Variants in SLC6A4 observed in about 807,000 individuals in gnomAD.
SLC6A4 encodes sodium-dependent serotonin transporter.
In SLC6A4, 22 loss-of-function variants were observed where a neutral mutation model predicts 73.4. The ratio of observed to expected loss-of-function variants is 0.30; its 90% confidence interval spans 0.21 to 0.43. SLC6A4 has a LOEUF of 0.43. Ranked by LOEUF, SLC6A4 falls within the 20% of genes least tolerant of loss-of-function variation. SLC6A4 has a pLI of 1.00. For missense variants in SLC6A4, 593 were observed against 808.5 expected (o/e 0.73, Z 3.23); for synonymous variants, 270 against 315.5 (o/e 0.86, Z 1.53).
At chr17:30,205,860 A>G (rs1286522672) in intron 13 of SLC6A4, 2 of 152,258 alleles carry the variant, frequency 1.3e-5, no homozygotes, top group African/African-American at 4.8e-5. Flanking sequence ...AAGTACAAAA[A>G]ATAAAGGGTT....
At chr17:30,217,392 G>A (rs1204720404) in intron 5 of SLC6A4, 88 bp from the exon 6 acceptor site, 5 of 1,308,076 alleles carry the variant, frequency 3.8e-6, no homozygotes, top group African/African-American at 3.0e-5. Flanking sequence ...GGGTGCCCGG[G>A]ACAAATGGAC....
In SLC6A4 at chr17:30,211,502, C is replaced by T; in HGVS notation, c.1205-78G>A. 1 of 883,680 alleles carries T rather than the reference C, an allele frequency of 1.1e-6. No individual in the cohort carries two copies. The highest frequency in any genetic ancestry group is 1.9e-6 in the Non-Finnish European group (1 of 522,826). The allele number at this position is 883,680 out of a possible 1,614,324, so 54.7% of individuals were successfully genotyped here. On this transcript the variant is annotated intron_variant, in intron 9 of 14. Transcript: ENST00000650711. This position sits in a 1 kb window ranked among gnomAD's most constrained non-coding sequence, Gnocchi z 4.0. Reference sequence around the variant, plus strand: ...GATGTCACAGAGGAAAACTCAGCCACAACAACAGTTACAATTCTCATCACA... The same window carrying T: ...GATGTCACAGAGGAAAACTCAGCCATAACAACAGTTACAATTCTCATCACA...
chr17:30,215,559 G>A, intron 8 of SLC6A4, 52 bp downstream of exon 8: 1 of 1,429,584 alleles, frequency 7.0e-7, no homozygotes, highest in African/African-American at 1.4e-5. Context: ...CACACTAGCT[G>A]ACTTTCACTC....
intron 11 of SLC6A4, 101 bp downstream of exon 11, chr17:30,210,414 A>T (rs1477886607): frequency 4.5e-6 from 6 of 1,331,322 alleles, no homozygotes; most frequent in Non-Finnish European, 6.1e-6. Context: ...TTTGGTCCCA[A>T]AGCCAGGGCA....
At chr17:30,209,386 C>G in intron 11 of SLC6A4, 144 bp from the exon 12 acceptor site, 1 of 594,770 alleles carries the variant, frequency 1.7e-6, no homozygotes, top group Non-Finnish European at 3.0e-6. Flanking sequence ...GAAACTGCCT[C>G]TTAGGCCAGG....
Position 30,215,729 on chromosome 17 carries a change from G to C in SLC6A4, c.973-15C>G. On this transcript the variant is annotated splice_polypyrimidine_tract_variant and intron_variant, in intron 7 of 14. Coordinates refer to ENST00000650711, the MANE Select transcript of SLC6A4 (RefSeq NM_001045.6). ...TCTATCCACACCTGGAACACAGCAG[G>C]GGTAAGGGCATGGGGTGAGGGGGAG... The C allele has an allele frequency of 1.2e-6, 2 of 1,609,144 alleles. No homozygotes were observed. Among genetic ancestry groups the C allele is most frequent in the Non-Finnish European group, 1.7e-6 (2 of 1,175,706 alleles).
At chr17:30,227,236 C>T (rs757677525) in intron 1 of SLC6A4, among the ~76,000 whole-genome samples, 4 of 152,176 alleles carry the variant, frequency 2.6e-5, no homozygotes, top group Non-Finnish European at 4.4e-5. Flanking sequence ...TGCTGTGTTC[C>T]CGAAGTGTGC....
intron 4 of SLC6A4, 126 bp from the exon 5 acceptor site, chr17:30,218,463 A>G (rs1906650133): frequency 1.4e-6 from 1 of 727,158 alleles, no homozygotes; most frequent in East Asian, 2.7e-5. Context: ...GCTGCCCTCC[A>G]TTCCATTCCA....
rs61636654 is a variant in SLC6A4, at chr17:30,206,712, C to CTTTTCTTT, written c.1650+1019_1650+1020insAAAGAAAA. Among the ~76,000 whole-genome samples, 237 of 80,288 alleles carry CTTTTCTTT rather than the reference C, an allele frequency of 3.0e-3. 4 individuals carry two copies. Among genetic ancestry groups the CTTTTCTTT allele is most frequent in the African/African-American group, 7.6e-3 (145 of 19,096 alleles). 52.7% of individuals were successfully genotyped at this position (80,288 alleles called of 152,430 possible). On this transcript the variant is annotated intron_variant, in intron 13 of 14. Transcript: ENST00000650711. Reference sequence around the variant, plus strand: ...TCAATCTCCTTTTTTCTTTTCTTTTCTTTTTTTTTTTTTTTTTTTTTTTTG... The same window carrying CTTTTCTTT: ...TCAATCTCCTTTTTTCTTTTCTTTTCTTTTCTTTTTTTTTTTTTTTTTTTTTTTTTTTG...
At chr17:30,210,167 G>A (rs533325146) in intron 11 of SLC6A4, among the ~76,000 whole-genome samples, 42 of 151,900 alleles carry the variant, frequency 2.8e-4, no homozygotes, top group African/African-American at 9.2e-4. Context: ...CACACATGAC[G>A]TGAAGAACGT....
intron 3 of SLC6A4, among the ~76,000 whole-genome samples, chr17:30,221,193 T>A (rs1906737007): frequency 6.6e-6 from 1 of 151,822 alleles, no homozygotes; most frequent in Non-Finnish European, 1.5e-5. Context: ...GTCAGGCTGG[T>A]CTTGAACTCC....
chr17:30,230,311 C>T (rs1907074666), intron 1 of SLC6A4, among the ~76,000 whole-genome samples: 1 of 152,166 alleles, frequency 6.6e-6, no homozygotes, highest in African/African-American at 2.4e-5. Flanking sequence ...AAACTCAAAA[C>T]AGATGATGTG....
chr17:30,232,768 C>G (rs1387700862), intron 1 of SLC6A4, among the ~76,000 whole-genome samples: 1 of 152,214 alleles, frequency 6.6e-6, no homozygotes, highest in Non-Finnish European at 1.5e-5. Flanking sequence ...TGTTGACATT[C>G]AGTAAATGAG....
Position 30,212,828 on chromosome 17 carries a change from G to A in SLC6A4, c.1116C>T (p.Ser372=), listed in dbSNP as rs774530728. Residue 372 remains serine, a synonymous_variant, in exon 9 of 15, where the codon AGC becomes AGT. Coordinates refer to ENST00000650711, the MANE Select transcript of SLC6A4 (RefSeq NM_001045.6). ...LVTSVVNCMT[S]FVSGFVIFTV... ...TGAAGATGACAAATCCCGAAACGAAGCTCGTCATGCAGTTCACCACGCTGG... is the reference window on the plus strand; with the variant it reads ...TGAAGATGACAAATCCCGAAACGAAACTCGTCATGCAGTTCACCACGCTGG... The A allele has an allele frequency of 1.2e-6, 2 of 1,614,118 alleles. No homozygotes were observed. Among genetic ancestry groups the A allele is most frequent in the Non-Finnish European group, 1.7e-6 (2 of 1,180,012 alleles).
chr17:30,230,068 A>AGAAGAAGAAGAT (rs1907043734), intron 1 of SLC6A4, among the ~76,000 whole-genome samples: 1 of 110,530 alleles, frequency 9.0e-6, no homozygotes, highest in Admixed American at 8.0e-5. Flanking sequence ...AAGAAGAAGA[A>AGAAGAAGAAGAT]GAAGAAGAAG....
At chr17:30,217,431 G>A in intron 5 of SLC6A4, 127 bp from the exon 6 acceptor site, 1 of 897,390 alleles carries the variant, frequency 1.1e-6, no homozygotes, top group Non-Finnish European at 1.7e-6. Flanking sequence ...AGTGGTCACT[G>A]AGGCCCAGGA....
At chr17:30,225,084 C>T (rs1433289937) in intron 1 of SLC6A4, among the ~76,000 whole-genome samples, 1 of 152,160 alleles carries the variant, frequency 6.6e-6, no homozygotes, top group African/African-American at 2.4e-5. Context: ...TCAGACAACT[C>T]ATGACCGGGC....
intron 1 of SLC6A4, among the ~76,000 whole-genome samples, chr17:30,233,199 C>T (rs1052175421): frequency 2.6e-5 from 4 of 152,192 alleles, no homozygotes; most frequent in African/African-American, 7.2e-5. Context: ...ACGTATGTTC[C>T]ATGGAACACC....
rs529459323 is a variant in SLC6A4 at position 30,211,939 on chromosome 17, A to G, written c.1205-515T>C. ...GTGAGGGACATGTCTTCAGCCTCTCATGGGTTAGCTAGGGGTGCCCTCGTT... is the reference window on the plus strand; with the variant it reads ...GTGAGGGACATGTCTTCAGCCTCTCGTGGGTTAGCTAGGGGTGCCCTCGTT... On this transcript the variant is annotated intron_variant, in intron 9 of 14. Coordinates refer to ENST00000650711, the MANE Select transcript of SLC6A4 (RefSeq NM_001045.6). The surrounding 1 kb of genome is among the most constrained non-coding windows in gnomAD (Gnocchi z 4.0). 3.4e-4 allele frequency among the ~76,000 whole-genome samples: 51 copies of G among 152,182 alleles called. No homozygotes were observed. The highest frequency in any genetic ancestry group is 1.0e-3 in the African/African-American group (42 of 41,512).
Sources: allele counts gnomAD v4.1 joint callset (sites outside exome capture counted in the v4.1 genomes callset), GRCh38; gene constraint gnomAD v4.1.1; non-coding constraint Gnocchi (gnomAD v3.1); transcripts MANE v1.5; gene names NCBI Gene and HGNC (gene_info 2026-07-23, HGNC 2026-07-21).